KATNAL1: variants seen among roughly 807,000 people sequenced by gnomAD.
The protein encoded by KATNAL1 is katanin catalytic subunit A1 like 1.
In KATNAL1, 32 loss-of-function variants were observed where a neutral mutation model predicts 55.2. The observed-to-expected ratio is 0.58, with a 90% CI of 0.44 to 0.78. The LOEUF is 0.78. Among genes scored for constraint, KATNAL1 ranks in the 30% least tolerant of loss-of-function variants. The pLI is 0.00. For synonymous variants in KATNAL1, 193 were observed against 193.6 expected, an observed-to-expected ratio of 1.00 and a Z score of 0.02; for missense variants, 466 against 600.9, an observed-to-expected ratio of 0.78 and a Z score of 2.35.
In KATNAL1 at chr13:30,203,475, A is replaced by T. The variant is rs1450466050; in HGVS notation, c.*5065T>A. On this transcript the variant is annotated 3_prime_UTR_variant, in exon 11 of 11. Transcript: ENST00000380615. ...GTCATTTCAGATATGGTAAAGTAAAAGTGCATTTTATAGTTTCGAACAATC... is the reference window on the plus strand; with the variant it reads ...GTCATTTCAGATATGGTAAAGTAAATGTGCATTTTATAGTTTCGAACAATC... The T allele has an allele frequency of 6.6e-6, 1 of 152,188 alleles. No homozygotes were observed. The allele number at this position is 152,188 out of a possible 1,614,324, so 9.4% of individuals were successfully genotyped here.
At chr13:30,271,799 T>C (rs985322825) in intron 3 of KATNAL1, among the ~76,000 whole-genome samples, 7 of 138,216 alleles carry the variant, frequency 5.1e-5, no homozygotes, top group Non-Finnish European at 7.6e-5. Flanking sequence ...TTTGGCTCCA[T>C]AGGGCTCACA....
At chr13:30,296,387 T>C in intron 1 of KATNAL1, 1 of 1,093,692 alleles carries the variant, frequency 9.1e-7, no homozygotes, top group Non-Finnish European at 1.4e-6. Flanking sequence ...GGACTCTCAG[T>C]TCACCCACCT....
At chr13:30,222,253 A>G (rs1874948562) in intron 9 of KATNAL1, among the ~76,000 whole-genome samples, 1 of 152,134 alleles carries the variant, frequency 6.6e-6, no homozygotes, top group Non-Finnish European at 1.5e-5. Context: ...ACTGGGAAGA[A>G]GAAATTCAGC....
At chr13:30,269,896 G>T (rs1035058556) in intron 3 of KATNAL1, among the ~76,000 whole-genome samples, 3 of 150,524 alleles carry the variant, frequency 2.0e-5, no homozygotes, top group Admixed American at 6.6e-5. Flanking sequence ...CCGTCCAGGA[G>T]GGGGGGGTCA....
In KATNAL1 at chr13:30,302,353, T is replaced by C. The variant is rs536441044; in HGVS notation, c.-15+4978A>G. On this transcript the variant is annotated intron_variant, in intron 1 of 10. Transcript: ENST00000380615. ...ATAAAATTCTTGACTTCAAATAATA[T>C]CTAATAATGCAGAGAAAATACAAGT... Among the ~76,000 whole-genome samples, 3 of 152,028 alleles carry C rather than the reference T, an allele frequency of 2.0e-5. No individual in the cohort carries two copies. The South Asian group carries it at 6.2e-4, about 32-fold the overall frequency.
rs868247846 is a variant in KATNAL1, at chr13:30,231,475, G to A, written c.727-3C>T. ...GGGGGTCCAACCATCAGTACACCCT[G>A]AAATTTCAAAAGACAAATTAAATGA... On this transcript the variant is annotated splice_polypyrimidine_tract_variant and splice_region_variant and intron_variant, in intron 6 of 10. Coordinates refer to ENST00000380615, the MANE Select transcript of KATNAL1 (RefSeq NM_032116.5). 1.3e-6 allele frequency: 2 copies of A among 1,491,456 alleles called. No individual in the cohort carries two copies. Among genetic ancestry groups the A allele is most frequent in the East Asian group, 2.4e-5 (1 of 40,914 alleles). 92.4% of individuals were successfully genotyped at this position (1,491,456 alleles called of 1,614,324 possible).
At chr13:30,210,650 G>GAAAAAAA (rs33951005) in intron 9 of KATNAL1, 7 of 120,262 alleles carry the variant, frequency 5.8e-5, no homozygotes, top group African/African-American at 6.1e-5. Flanking sequence ...ACTAAAAATT[G>GAAAAAAA]AAAAAAAAAA....
chr13:30,248,695 C>T (rs547861920), intron 4 of KATNAL1, among the ~76,000 whole-genome samples: 2 of 152,290 alleles, frequency 1.3e-5, no homozygotes, highest in East Asian at 1.9e-4. Context: ...GAGGCCAAGG[C>T]AGGTGGATCA....
chr13:30,236,008 T>C (rs1291681863), intron 6 of KATNAL1, among the ~76,000 whole-genome samples: 1 of 152,180 alleles, frequency 6.6e-6, no homozygotes, highest in Non-Finnish European at 1.5e-5. Context: ...AATATATTTA[T>C]TATTCATTAA....
intron 6 of KATNAL1, 94 bp from the exon 7 acceptor site, chr13:30,231,566 A>G: frequency 2.6e-6 from 2 of 755,912 alleles, no homozygotes; most frequent in Non-Finnish European, 3.8e-6. Flanking sequence ...AGATTTTTCC[A>G]TCAAAAGATA....
chr13:30,239,335 A>C (rs1057222443), intron 6 of KATNAL1, among the ~76,000 whole-genome samples: 1 of 152,138 alleles, frequency 6.6e-6, no homozygotes, highest in South Asian at 2.1e-4. Context: ...GCTTGAACCC[A>C]GGAGGCAGAG....
At chr13:30,235,959 G>A (rs1876631915) in intron 6 of KATNAL1, among the ~76,000 whole-genome samples, 1 of 152,016 alleles carries the variant, frequency 6.6e-6, no homozygotes, top group Non-Finnish European at 1.5e-5. Flanking sequence ...TTACAATAAA[G>A]CTAGAAAAAA....
chr13:30,258,732 G>A (rs939970541), intron 3 of KATNAL1, among the ~76,000 whole-genome samples: 7 of 151,762 alleles, frequency 4.6e-5, no homozygotes, highest in Non-Finnish European at 7.4e-5. Flanking sequence ...ATTTTTGTAC[G>A]ACGTGAGGTG....
chr13:30,219,368 T>G (rs1332265705), intron 9 of KATNAL1, among the ~76,000 whole-genome samples: 1 of 152,184 alleles, frequency 6.6e-6, no homozygotes, highest in Non-Finnish European at 1.5e-5. Flanking sequence ...CTTTTCTCTA[T>G]GAAAATTCAG....
At chr13:30,274,898 C>T (rs1395291330) in intron 3 of KATNAL1, among the ~76,000 whole-genome samples, 97 of 99,240 alleles carry the variant, frequency 9.8e-4, no homozygotes, top group African/African-American at 1.9e-3. Flanking sequence ...CATACGCGCG[C>T]GCGCGCGCGC....
chr13:30,261,950 T>C (rs1015461780), intron 3 of KATNAL1, among the ~76,000 whole-genome samples: 17 of 152,138 alleles, frequency 1.1e-4, no homozygotes, highest in African/African-American at 3.6e-4. Context: ...TATTCCAAAA[T>C]TGACCACATA....
chr13:30,302,029 G>A (rs576734217), intron 1 of KATNAL1, among the ~76,000 whole-genome samples: 133 of 152,182 alleles, frequency 8.7e-4, no homozygotes, highest in African/African-American at 1.5e-3. Context: ...GCGCAGCCAC[G>A]CCTGGCTAAT....
intron 4 of KATNAL1, among the ~76,000 whole-genome samples, chr13:30,246,074 G>A (rs1339573254): frequency 6.6e-6 from 1 of 152,118 alleles, no homozygotes; most frequent in Admixed American, 6.5e-5. Flanking sequence ...ACCAAAAAGA[G>A]CCCATATAGC....
chr13:30,281,418 G>A (rs1359406443), intron 2 of KATNAL1, among the ~76,000 whole-genome samples: 1 of 152,036 alleles, frequency 6.6e-6, no homozygotes, highest in Non-Finnish European at 1.5e-5. Flanking sequence ...AGTAGAAATG[G>A]TCACTATTTA....
Sources: gnomAD v4.1 joint callset for allele counts (sites outside exome capture counted in the v4.1 genomes callset) on GRCh38, gnomAD v4.1.1 for gene constraint, MANE v1.5 for transcripts, NCBI Gene and HGNC (gene_info 2026-07-23, HGNC 2026-07-21) for gene names.